C2CD3: variants seen among roughly 807,000 people sequenced by gnomAD.
C2CD3 encodes C2 domain containing 3 centriole elongation regulator.
C2CD3 carries 148 observed loss-of-function variants against 234.0 expected under a neutral mutation model. The observed-to-expected ratio is 0.63, with a 90% CI of 0.55 to 0.72. The LOEUF is 0.72. C2CD3 is among the 30% of genes least tolerant of loss of function. C2CD3 has a pLI of 0.00. For missense variants in C2CD3, 2,577 were observed against 2,811.5 expected, an observed-to-expected ratio of 0.92 and a Z score of 1.89; for synonymous variants, 1,000 against 1,035.4, an observed-to-expected ratio of 0.97 and a Z score of 0.66.
Position 74,028,279 on chromosome 11 carries a change from T to C in C2CD3, c.6921+8A>G. On this transcript the variant is annotated splice_region_variant and intron_variant, in intron 32 of 32. Coordinates refer to ENST00000334126, the MANE Select transcript of C2CD3 (RefSeq NM_001286577.2). ...TATAGAAGAAAGGTCAGTTGGCCAT[T>C]CTCTTACCTGATCTGTTGTGGCTGC... The C allele has an allele frequency of 6.5e-7, 1 of 1,529,428 alleles. No homozygotes were observed. The highest frequency in any genetic ancestry group is 8.8e-7 in the Non-Finnish European group (1 of 1,141,004). 94.7% of individuals were successfully genotyped at this position (1,529,428 alleles called of 1,614,324 possible). A position where few individuals can be genotyped will look rare whatever the true frequency, so the allele number is the denominator to read the frequency against.
chr11:74,036,256 T>C, intron 30 of C2CD3: 1 of 339,014 alleles, frequency 2.9e-6, no homozygotes, highest in East Asian at 7.4e-5. Context: ...TCTGTTTTGC[T>C]GTCATACTTT....
chr11:74,079,993 C>A (rs12295243), intron 22 of C2CD3, among the ~76,000 whole-genome samples: 12,590 of 152,102 alleles, frequency 0.083, 1,408 homozygotes, highest in African/African-American at 0.25. Context: ...GCCACAGACA[C>A]TATGTAAATT....
intron 32 of C2CD3, among the ~76,000 whole-genome samples, chr11:74,019,428 C>G (rs1452755035): frequency 7.9e-5 from 12 of 152,230 alleles, no homozygotes; most frequent in Non-Finnish European, 1.5e-5. Context: ...ACCTTTAGGT[C>G]TCTCTTAGGC....
rs1292247489 is a variant in C2CD3, at chr11:74,117,084, A to ATT, written c.1520+1143_1520+1144insAA. 1.2e-3 allele frequency among the ~76,000 whole-genome samples: 90 copies of ATT among 73,204 alleles called. 5 individuals carry two copies. The highest frequency in any genetic ancestry group is 2.0e-3 in the Admixed American group (11 of 5,618). 48.0% of individuals were successfully genotyped at this position (73,204 alleles called of 152,430 possible). A position where few individuals can be genotyped will look rare whatever the true frequency, so the allele number is the denominator to read the frequency against. ...TGAATATATATATATGAATATATAT[A>ATT]TGAATATATATATATGAATATATAT... is the stretch of plus-strand genomic sequence containing the variant. On this transcript the variant is annotated intron_variant, in intron 9 of 32. Transcript: ENST00000334126.
At chr11:74,036,298 T>C (rs1191840683) in intron 30 of C2CD3, 6 of 351,406 alleles carry the variant, frequency 1.7e-5, no homozygotes, top group South Asian at 2.2e-5. Context: ...TGGTTGACTA[T>C]AGAATATAAG....
At chr11:74,063,562 T>C (rs192336508) in intron 24 of C2CD3, among the ~76,000 whole-genome samples, 11 of 152,286 alleles carry the variant, frequency 7.2e-5, no homozygotes, top group African/African-American at 2.4e-4. Context: ...GAAAAGGCCT[T>C]TGACAAAATT....
chr11:74,136,607 G>T (rs964653818), intron 5 of C2CD3, among the ~76,000 whole-genome samples: 13 of 152,274 alleles, frequency 8.5e-5, no homozygotes, highest in South Asian at 4.2e-4. Flanking sequence ...CGTGACTTTT[G>T]TAAGATTATG....
At chr11:74,113,470 G>T in intron 11 of C2CD3, 1 of 334,558 alleles carries the variant, frequency 3.0e-6, no homozygotes, top group Admixed American at 4.3e-5. Context: ...CTTAAGGTCA[G>T]GGGTTTGAGA....
chr11:74,062,860 C>A (rs556594262), intron 24 of C2CD3, among the ~76,000 whole-genome samples: 10 of 149,016 alleles, frequency 6.7e-5, no homozygotes, highest in African/African-American at 2.5e-4. Flanking sequence ...TTGAAAAGGT[C>A]AACAAAATTG....
intron 32 of C2CD3, among the ~76,000 whole-genome samples, chr11:74,025,105 C>T (rs1213774946): frequency 6.6e-6 from 1 of 152,026 alleles, no homozygotes; most frequent in Non-Finnish European, 1.5e-5. Flanking sequence ...CTCTCCCATA[C>T]TTTGTATCTA....
At chr11:74,085,417 T>A (rs1293014462) in intron 21 of C2CD3, 1 of 575,358 alleles carries the variant, frequency 1.7e-6, no homozygotes, top group Non-Finnish European at 3.0e-6. Flanking sequence ...ACTGACACAT[T>A]TGCTTTATTT....
intron 24 of C2CD3, among the ~76,000 whole-genome samples, chr11:74,058,126 G>C (rs1278222616): frequency 6.6e-6 from 1 of 152,194 alleles, no homozygotes; most frequent in Admixed American, 6.5e-5. Flanking sequence ...AGACAGGACA[G>C]AACTACAAAG....
intron 2 of C2CD3, among the ~76,000 whole-genome samples, chr11:74,163,520 T>C (rs1856609553): frequency 6.6e-6 from 1 of 152,190 alleles, no homozygotes; most frequent in Non-Finnish European, 1.5e-5. Flanking sequence ...GTTCTCCTTA[T>C]CCTGTTCTCA....
chr11:74,075,311 G>A (rs1181095106), intron 23 of C2CD3, among the ~76,000 whole-genome samples: 1 of 151,258 alleles, frequency 6.6e-6, no homozygotes, highest in Non-Finnish European at 1.5e-5. Context: ...TCCCTATCAG[G>A]AGGCTGTCTT....
rs963996191 is a variant in C2CD3 at position 74,028,470 on chromosome 11, T to C, written c.6810-72A>G. On this transcript the variant is annotated intron_variant, in intron 31 of 32. Coordinates refer to ENST00000334126, the MANE Select transcript of C2CD3 (RefSeq NM_001286577.2). The stretch of plus-strand genomic sequence containing the variant: ...TTGCAGTGGAGGCCAGCATCTCCAC[T>C]GACCATTCACTCTGCCCCCACTCAT... 9 of 893,264 alleles carry C rather than the reference T, an allele frequency of 1.0e-5. No homozygotes were observed. The Admixed American group carries it at 1.7e-4, about 17-fold the overall frequency. 55.3% of individuals were successfully genotyped at this position (893,264 alleles called of 1,614,324 possible).
At chr11:74,015,963 G>T (rs1434682873) in intron 32 of C2CD3, among the ~76,000 whole-genome samples, 2 of 151,834 alleles carry the variant, frequency 1.3e-5, no homozygotes, top group African/African-American at 4.8e-5. Flanking sequence ...TGTGGTCCCA[G>T]CTACTCAGGA....
chr11:74,162,531 T>C (rs957464385), intron 2 of C2CD3, among the ~76,000 whole-genome samples: 1 of 152,150 alleles, frequency 6.6e-6, no homozygotes, highest in Non-Finnish European at 1.5e-5. Flanking sequence ...CAAAACTATC[T>C]GGAAAAAGTA....
At chr11:74,124,504 G>A (rs1260656764) in intron 7 of C2CD3, among the ~76,000 whole-genome samples, 1 of 152,034 alleles carries the variant, frequency 6.6e-6, no homozygotes, top group African/African-American at 2.4e-5. Context: ...CCAGTAGCAC[G>A]TTCCCAGTTG....
intron 25 of C2CD3, among the ~76,000 whole-genome samples, chr11:74,055,081 T>C (rs569027382): frequency 2.2e-4 from 34 of 152,340 alleles, no homozygotes; most frequent in Non-Finnish European, 4.4e-4. Context: ...AGTGCCTACC[T>C]TGGGCCAGGC....
Sources: gnomAD v4.1 joint callset for allele counts (sites outside exome capture counted in the v4.1 genomes callset) on GRCh38, gnomAD v4.1.1 for gene constraint, MANE v1.5 for transcripts, NCBI Gene and HGNC (gene_info 2026-07-23, HGNC 2026-07-21) for gene names.